Variants in ADGRA1 observed in about 807,000 individuals in gnomAD.
ADGRA1 encodes G-protein coupled receptor 123.
In ADGRA1, 12 loss-of-function variants were observed where a neutral mutation model predicts 21.3. The ratio of observed to expected loss-of-function variants is 0.56; its 90% CI spans 0.36 to 0.91. The LOEUF (loss-of-function observed/expected upper bound fraction) is 0.91, where lower values mean the gene tolerates loss of function less well. Among genes scored for constraint, ADGRA1 ranks in the 40% least tolerant of loss-of-function variants. The pLI is 0.01. For missense variants in ADGRA1, 790 were observed against 805.6 expected (o/e 0.98, Z 0.23); for synonymous variants, 385 against 368.8 (o/e 1.04, Z -0.50).
intron 2 of ADGRA1, among the ~76,000 whole-genome samples, chr10:133,096,172 C>T (rs1358394676): frequency 6.6e-6 from 1 of 152,194 alleles, no homozygotes; most frequent in Admixed American, 6.5e-5. Context: ...TGCCCCGAGG[C>T]CCCCTCCTGG....
At chr10:133,092,003 G>A (rs111839879) in intron 2 of ADGRA1, among the ~76,000 whole-genome samples, 42 of 152,196 alleles carry the variant, frequency 2.8e-4, no homozygotes, top group African/African-American at 9.9e-4. Flanking sequence ...AACCAGGATC[G>A]GGTCCTGGCC....
intron 5 of ADGRA1, among the ~76,000 whole-genome samples, chr10:133,126,554 G>C (rs1852377988): frequency 6.6e-6 from 1 of 152,204 alleles, no homozygotes; most frequent in Admixed American, 6.5e-5. Context: ...GGTCCGGGTG[G>C]GGGCTGGAGG....
At position 133,129,801 on chromosome 10, in the gene ADGRA1, C is replaced by T; in HGVS notation, c.*290C>T. On this transcript the variant is annotated 3_prime_UTR_variant, in exon 7 of 7. Coordinates refer to ENST00000392607, the MANE Select transcript of ADGRA1 (RefSeq NM_001083909.3). ...TCCGCGTGCTGGTCCCGCACACGGT[C>T]ATCCGGTTTCTGTCCTGTGGTCTCC... The T allele has an allele frequency of 2.5e-6, 1 of 397,386 alleles. No homozygotes were observed. Among genetic ancestry groups the T allele is most frequent in the Non-Finnish European group, 4.7e-6 (1 of 214,312 alleles). The allele number at this position is 397,386 out of a possible 1,614,324, so 24.6% of individuals were successfully genotyped here.
intron 2 of ADGRA1, 127 bp downstream of exon 2, chr10:133,089,039 C>T (rs1199160784): frequency 1.6e-6 from 2 of 1,233,992 alleles, no homozygotes; most frequent in Non-Finnish European, 2.0e-6. Flanking sequence ...GGCTTCCGGG[C>T]TCAGTGCCGG....
At chr10:133,103,168 C>G (rs1161025913) in intron 5 of ADGRA1, among the ~76,000 whole-genome samples, 1 of 152,122 alleles carries the variant, frequency 6.6e-6, no homozygotes, top group Non-Finnish European at 1.5e-5. Context: ...AGCCCGGCTG[C>G]TCTGGGGCTG....
chr10:133,095,912 A>C, intron 2 of ADGRA1: 2 of 1,195,548 alleles, frequency 1.7e-6, no homozygotes, highest in Non-Finnish European at 2.3e-6. Context: ...GGCAGCATCC[A>C]TGGCGTGGTC....
intron 2 of ADGRA1, among the ~76,000 whole-genome samples, chr10:133,091,035 C>T (rs555546138): frequency 3.3e-5 from 5 of 152,246 alleles, no homozygotes; most frequent in East Asian, 3.8e-4. Flanking sequence ...CCACTGTTAA[C>T]GAGCAAAAGC....
At chr10:133,120,330 G>C (rs1852231088) in intron 5 of ADGRA1, among the ~76,000 whole-genome samples, 1 of 152,158 alleles carries the variant, frequency 6.6e-6, no homozygotes, top group Admixed American at 6.5e-5. Flanking sequence ...ACTTGAACCT[G>C]GGAGGTGGAG....
intron 2 of ADGRA1, among the ~76,000 whole-genome samples, chr10:133,092,019 G>T (rs992058553): frequency 1.3e-5 from 2 of 152,210 alleles, no homozygotes; most frequent in African/African-American, 4.8e-5. Flanking sequence ...TGGCCCAAAG[G>T]CAGGTTGTGG....
chr10:133,130,882 A>AC lies in ADGRA1; in HGVS notation c.*1371_*1372insC, dbSNP rs1852511631. ...CACAAACACGTGCATATCACACACAAACACACGTGCACACATACTTAACAC... is the reference window on the plus strand; with the variant it reads ...CACAAACACGTGCATATCACACACAACACACACGTGCACACATACTTAACAC... On this transcript the variant is annotated 3_prime_UTR_variant, in exon 7 of 7. Coordinates refer to ENST00000392607, the MANE Select transcript of ADGRA1 (RefSeq NM_001083909.3). 1 of 151,914 alleles carries AC rather than the reference A, an allele frequency of 6.6e-6. No homozygotes were observed. Among genetic ancestry groups the AC allele is most frequent in the Non-Finnish European group, 1.5e-5 (1 of 68,022 alleles). The allele number at this position is 151,914 out of a possible 1,614,324, so 9.4% of individuals were successfully genotyped here.
At chr10:133,102,292 C>A (rs781218345) in intron 4 of ADGRA1, 2 of 502,108 alleles carry the variant, frequency 4.0e-6, no homozygotes, top group African/African-American at 1.9e-5. Flanking sequence ...CCTGGCGTGA[C>A]CCCACTGAGG....
intron 2 of ADGRA1, among the ~76,000 whole-genome samples, chr10:133,094,776 A>G (rs1286673579): frequency 1.3e-5 from 2 of 152,108 alleles, no homozygotes; most frequent in Non-Finnish European, 2.9e-5. Flanking sequence ...AGGAAAAGCC[A>G]TTGACTCTCG....
At chr10:133,097,183 G>T in intron 3 of ADGRA1, 82 bp downstream of exon 3, 1 of 1,520,536 alleles carries the variant, frequency 6.6e-7, no homozygotes, top group Non-Finnish European at 9.0e-7. Flanking sequence ...GAAGGGCAAT[G>T]CCACTGCCCC....
In ADGRA1 at chr10:133,093,133, C is replaced by T. The variant is rs746249488; in HGVS notation, c.4-3841C>T. 23 of 1,596,372 alleles carry T rather than the reference C, an allele frequency of 1.4e-5. No homozygotes were observed. In the African/African-American group the frequency reaches 2.3e-4, roughly 16 times the overall value. On this transcript the variant is annotated intron_variant, in intron 2 of 6. Transcript: ENST00000392607. ...CCTCACTGTGCAGGAAAGAAGGTTC[C>T]TCAGCCAGTCGGAGCTGCAGACCTG...
chr10:133,095,540 C>T (rs757765092), intron 2 of ADGRA1: 22 of 1,303,424 alleles, frequency 1.7e-5, no homozygotes, highest in Admixed American at 2.7e-5. Flanking sequence ...CCAGGCTCCT[C>T]GTCCCGGGAT....
At chr10:133,106,918 A>C (rs1206965121) in intron 5 of ADGRA1, among the ~76,000 whole-genome samples, 4 of 152,224 alleles carry the variant, frequency 2.6e-5, no homozygotes, top group Non-Finnish European at 5.9e-5. Flanking sequence ...TTGCATCTGA[A>C]GGCCACGTTA....
chr10:133,128,575 G>T lies in ADGRA1; in HGVS notation c.747G>T (p.Glu249Asp), dbSNP rs777813919. The change falls in exon 7 of 7, where the codon GAG becomes GAT. Residue 249 changes from glutamate to aspartate, a missense_variant. Physicochemically the swap from Glu to Asp is conservative, Grantham distance 45. Around this residue, in one of 3 missense-constraint regions of ADGRA1, gnomAD observed 382 missense variants for 415.6 expected, o/e 0.92. Transcript: ENST00000392607. ...CCGGCGCCTCCGTGCTGCAGAACGA[G>T]CACTCATTCCAGGCACAGCTGCGCG... is the stretch of plus-strand genomic sequence containing the variant. Reference protein sequence around the residue: ...DAPGASVLQNEHSFQAQLRAA... With the variant: ...DAPGASVLQNDHSFQAQLRAA... The T allele has an allele frequency of 2.5e-6, 4 of 1,581,486 alleles. No homozygotes were observed. Among genetic ancestry groups the T allele is most frequent in the East Asian group, 2.3e-5 (1 of 42,982 alleles).
In ADGRA1 at chr10:133,129,545, C is replaced by T. The variant is rs778585067; in HGVS notation, c.*34C>T. 1 of 1,531,760 alleles carries T rather than the reference C, an allele frequency of 6.5e-7. No homozygotes were observed. Among genetic ancestry groups the T allele is most frequent in the Non-Finnish European group, 8.8e-7 (1 of 1,141,152 alleles). The allele number at this position is 1,531,760 out of a possible 1,614,324, so 94.9% of individuals were successfully genotyped here. A position where few individuals can be genotyped will look rare whatever the true frequency, so the allele number is the denominator to read the frequency against. ...AGAGGACACGGTGTTCCTGGAGGAG[C>T]TTCAGAGCAGAGTGGGGGGCCCATC... On this transcript the variant is annotated 3_prime_UTR_variant, in exon 7 of 7. Transcript: ENST00000392607.
At chr10:133,095,440 C>T (rs1249064358) in intron 2 of ADGRA1, among the ~76,000 whole-genome samples, 1 of 152,212 alleles carries the variant, frequency 6.6e-6, no homozygotes, top group Non-Finnish European at 1.5e-5. Context: ...TAAACACTCC[C>T]CGGAAAGCAA....
Sources: allele counts gnomAD v4.1 joint callset (sites outside exome capture counted in the v4.1 genomes callset), GRCh38; gene constraint gnomAD v4.1.1; regional missense constraint gnomAD v4.1.1; transcripts MANE v1.5; gene names NCBI Gene and HGNC (gene_info 2026-07-23, HGNC 2026-07-21).